TRIM44: variants seen among roughly 807,000 people sequenced by gnomAD.
The protein encoded by TRIM44 is tripartite motif containing 44.
In TRIM44, 13 loss-of-function variants were observed where a neutral mutation model predicts 37.4. The observed-to-expected ratio is 0.35, with a 90% confidence interval of 0.23 to 0.55. TRIM44 has a LOEUF of 0.55. Among genes scored for constraint, TRIM44 ranks in the 20% least tolerant of loss-of-function variants. The pLI is 0.89. For missense variants in TRIM44, 426 were observed against 437.2 expected (o/e 0.97, Z 0.23); for synonymous variants, 175 against 157.2 (o/e 1.11, Z -0.85).
At chr11:35,767,253 C>G (rs1852810249) in intron 4 of TRIM44, among the ~76,000 whole-genome samples, 1 of 152,100 alleles carries the variant, frequency 6.6e-6, no homozygotes, top group Non-Finnish European at 1.5e-5. Flanking sequence ...TATCGGGGTG[C>G]TTCTTTTAGT....
chr11:35,687,564 T>G (rs1269201706), intron 2 of TRIM44, among the ~76,000 whole-genome samples: 1 of 152,216 alleles, frequency 6.6e-6, no homozygotes, highest in Non-Finnish European at 1.5e-5. Context: ...GCCAAACTTA[T>G]AATTAGCAGT....
rs1301956693 is a variant in TRIM44, at chr11:35,773,354, G to C, written c.1008-33004G>C. Among the ~76,000 whole-genome samples the C allele has an allele frequency of 2.0e-5, 3 of 151,788 alleles. No homozygotes were observed. In the East Asian group the frequency reaches 5.8e-4, roughly 29 times the overall value. ...TTACTTGTTCTTTGCTTGTTGAATT[G>C]TTCAAGTTTGTTATCGATTCCAGAT... On this transcript the variant is annotated intron_variant, in intron 4 of 4. Transcript: ENST00000299413.
intron 1 of TRIM44, among the ~76,000 whole-genome samples, chr11:35,684,171 A>G (rs1851549444): frequency 6.6e-6 from 1 of 152,172 alleles, no homozygotes. Flanking sequence ...AGTAGTCACT[A>G]GTCACATGTG....
At chr11:35,702,286 G>A (rs769214497) in intron 2 of TRIM44, among the ~76,000 whole-genome samples, 4 of 152,116 alleles carry the variant, frequency 2.6e-5, no homozygotes, top group Admixed American at 6.5e-5. Context: ...AGAATCACTC[G>A]CCCACGCTCC....
intron 1 of TRIM44, among the ~76,000 whole-genome samples, chr11:35,682,924 G>C (rs1416267826): frequency 6.6e-6 from 1 of 152,104 alleles, no homozygotes; most frequent in Non-Finnish European, 1.5e-5. Context: ...TCTAGAGCCA[G>C]GGGGAAAGTC....
chr11:35,771,228 T>C (rs1342825923), intron 4 of TRIM44, among the ~76,000 whole-genome samples: 1 of 152,090 alleles, frequency 6.6e-6, no homozygotes, highest in Admixed American at 6.5e-5. Context: ...CAGACTGAGG[T>C]GGTCTCATAT....
chr11:35,715,412 GTGTGTGTGTGTGT>G (rs1564972514), intron 2 of TRIM44, among the ~76,000 whole-genome samples: 1 of 151,398 alleles, frequency 6.6e-6, no homozygotes, highest in African/African-American at 2.4e-5. Flanking sequence ...GTATGTGTGT[GTGTGTGTGTGTGT>G]GTGTGGGTGT....
At chr11:35,719,069 T>C (rs1852070598) in intron 2 of TRIM44, among the ~76,000 whole-genome samples, 1 of 152,236 alleles carries the variant, frequency 6.6e-6, no homozygotes, top group African/African-American at 2.4e-5. Flanking sequence ...TTTATGTGGA[T>C]GTAAGTTTTC....
At chr11:35,796,898 GCAGACACT>G (rs1451140522) in intron 4 of TRIM44, among the ~76,000 whole-genome samples, 1 of 152,216 alleles carries the variant, frequency 6.6e-6, no homozygotes, top group Non-Finnish European at 1.5e-5. Context: ...TCATCTCCCT[GCAGACACT>G]TTGAAATTGC....
At chr11:35,666,440 T>G (rs534126334) in intron 1 of TRIM44, among the ~76,000 whole-genome samples, 2 of 152,246 alleles carry the variant, frequency 1.3e-5, no homozygotes, top group African/African-American at 2.4e-5. Flanking sequence ...ATTAAATTTA[T>G]AAGCCAATAT....
chr11:35,668,534 AG>A (rs1417393099), intron 1 of TRIM44, among the ~76,000 whole-genome samples: 1 of 152,252 alleles, frequency 6.6e-6, no homozygotes, highest in East Asian at 1.9e-4. Flanking sequence ...GTCCCTGCAA[AG>A]GACATGATCG....
At position 35,811,367 on chromosome 11, in the gene TRIM44, A is replaced by G. The variant is rs143837867; in HGVS notation, c.*4982A>G. The G allele has an allele frequency of 6.6e-6, 1 of 152,348 alleles. No homozygotes were observed. The highest frequency in any genetic ancestry group is 2.4e-5 in the African/African-American group (1 of 41,586). The allele number at this position is 152,348 out of a possible 1,614,324, so 9.4% of individuals were successfully genotyped here. A position where few individuals can be genotyped will look rare whatever the true frequency, so the allele number is the denominator to read the frequency against. ...TGGTGCCAAATTATGTTTTCAAATA[A>G]CATTAAAGTTTTAGAATTTGGATGA... On this transcript the variant is annotated 3_prime_UTR_variant, in exon 5 of 5. Transcript: ENST00000299413.
chr11:35,704,499 G>A (rs1319091670), intron 2 of TRIM44, among the ~76,000 whole-genome samples: 4 of 152,120 alleles, frequency 2.6e-5, no homozygotes, highest in Admixed American at 6.5e-5. Flanking sequence ...AAATGTTAAG[G>A]GCAGCCAGAG....
Position 35,809,411 on chromosome 11 carries a change from T to C in TRIM44, c.*3026T>C, listed in dbSNP as rs1056710837. On this transcript the variant is annotated 3_prime_UTR_variant, in exon 5 of 5. Transcript: ENST00000299413. ...ACTGTGTGCTGACCATCCCAATTTA[T>C]GAATCTTCTTCAAAATGACATTTCA... 3 of 152,212 alleles carry C rather than the reference T, an allele frequency of 2.0e-5. No homozygotes were observed. Among genetic ancestry groups the C allele is most frequent in the African/African-American group, 7.2e-5 (3 of 41,460 alleles). 9.4% of individuals were successfully genotyped at this position (152,212 alleles called of 1,614,324 possible).
At chr11:35,696,136 ATTTTTTTTT>A (rs1197445648) in intron 2 of TRIM44, among the ~76,000 whole-genome samples, 1 of 138,298 alleles carries the variant, frequency 7.2e-6, no homozygotes, top group African/African-American at 2.7e-5. Flanking sequence ...GATGAGTCAA[ATTTTTTTTT>A]TTTTTTTTTT....
chr11:35,675,191 G>C (rs1334656959), intron 1 of TRIM44, among the ~76,000 whole-genome samples: 3 of 152,190 alleles, frequency 2.0e-5, no homozygotes, highest in Non-Finnish European at 4.4e-5. Flanking sequence ...GTATGTGATA[G>C]GAAGTGTAAT....
At chr11:35,673,065 G>A (rs2135484518) in intron 1 of TRIM44, among the ~76,000 whole-genome samples, 1 of 152,346 alleles carries the variant, frequency 6.6e-6, no homozygotes, top group Non-Finnish European at 1.5e-5. Flanking sequence ...TTGGAAGTAT[G>A]CAGTGAACTA....
At chr11:35,735,466 G>A (rs1282072050) in intron 4 of TRIM44, 21 bp downstream of exon 4, 2 of 1,613,292 alleles carry the variant, frequency 1.2e-6, no homozygotes, top group South Asian at 1.1e-5. Flanking sequence ...ATTGTTGCTT[G>A]TCTTTTCTCA....
chr11:35,675,544 C>G (rs1851450911), intron 1 of TRIM44, among the ~76,000 whole-genome samples: 1 of 152,104 alleles, frequency 6.6e-6, no homozygotes, highest in Admixed American at 6.6e-5. Flanking sequence ...GGGCACACCC[C>G]TCTATTTTTG....
Sources: gnomAD v4.1 joint callset for allele counts (sites outside exome capture counted in the v4.1 genomes callset) on GRCh38, gnomAD v4.1.1 for gene constraint, MANE v1.5 for transcripts, NCBI Gene and HGNC (gene_info 2026-07-23, HGNC 2026-07-21) for gene names.